MTHFD1: variants seen among roughly 807,000 people sequenced by gnomAD.
The protein encoded by MTHFD1 is C-1-tetrahydrofolate synthase, cytoplasmic.
A neutral mutation model predicts 110.3 loss-of-function variants in MTHFD1; 44 were observed. The observed-to-expected ratio is 0.40, with a 90% CI of 0.31 to 0.51. MTHFD1 has a LOEUF of 0.51. Ranked by LOEUF, MTHFD1 falls within the 20% of genes least tolerant of loss-of-function variation. MTHFD1 has a pLI of 0.60. For synonymous variants in MTHFD1, 402 were observed against 428.8 expected (o/e 0.94, Z 0.77); for missense variants, 909 against 1,173.1 (o/e 0.77, Z 3.29).
chr14:64,430,160 T>G (rs2078146292), intron 12 of MTHFD1, 24 bp from the exon 13 acceptor site: 1 of 1,612,442 alleles, frequency 6.2e-7, no homozygotes, highest in Admixed American at 1.7e-5. Flanking sequence ...TTAACTGAGC[T>G]TCCACCCTTG....
At chr14:64,420,598 C>T (rs1313204720) in intron 8 of MTHFD1, among the ~76,000 whole-genome samples, 1 of 152,148 alleles carries the variant, frequency 6.6e-6, no homozygotes, top group African/African-American at 2.4e-5. Flanking sequence ...CTGAGTGTTA[C>T]CTTCTCAGCT....
intron 6 of MTHFD1, among the ~76,000 whole-genome samples, chr14:64,416,246 AAAAT>A (rs1424508731): frequency 1.5e-3 from 230 of 148,946 alleles, no homozygotes; most frequent in African/African-American, 3.8e-3. Context: ...CTCTGTCTCT[AAAAT>A]AAACAAACAA....
intron 1 of MTHFD1, among the ~76,000 whole-genome samples, chr14:64,397,026 A>T (rs1249524808): frequency 1.6e-5 from 2 of 126,808 alleles, no homozygotes; most frequent in African/African-American, 6.1e-5. Flanking sequence ...AATGGCTTGA[A>T]CCCGGGAGGC....
At chr14:64,454,931 T>C in intron 26 of MTHFD1, 56 bp downstream of exon 26, 1 of 1,579,418 alleles carries the variant, frequency 6.3e-7, no homozygotes, top group Non-Finnish European at 8.7e-7. Flanking sequence ...GTCTGAAGTG[T>C]GTTGCCGAAA....
intron 23 of MTHFD1, 87 bp from the exon 24 acceptor site, chr14:64,449,358 A>G: frequency 6.7e-7 from 1 of 1,482,848 alleles, no homozygotes; most frequent in South Asian, 1.1e-5. Flanking sequence ...TCAGTGGGTA[A>G]TTCACATGAG....
intron 23 of MTHFD1, among the ~76,000 whole-genome samples, chr14:64,448,882 C>A (rs1261818413): frequency 6.6e-6 from 1 of 151,822 alleles, no homozygotes; most frequent in Non-Finnish European, 1.5e-5. Flanking sequence ...TCGCTGCAAG[C>A]TCTGCCTCCC....
Position 64,431,882 on chromosome 14 carries a change from AT to A in MTHFD1, c.1494+27del, listed in dbSNP as rs773550324. On this transcript the variant is annotated intron_variant, in intron 15 of 27. Coordinates refer to ENST00000652337, the MANE Select transcript of MTHFD1 (RefSeq NM_005956.4). ...TAAAGGTAAGCTTTTTTTCTTCCACATTTTTTATATTGTATGGAATCTGGAA... is the reference window on the plus strand; with the variant it reads ...TAAAGGTAAGCTTTTTTTCTTCCACATTTTTATATTGTATGGAATCTGGAA... 10 of 1,598,352 alleles carry A rather than the reference AT, an allele frequency of 6.3e-6. No individual in the cohort carries two copies. The African/African-American group carries it at 6.7e-5, about 11-fold the overall frequency.
intron 26 of MTHFD1, 116 bp downstream of exon 26, chr14:64,454,991 G>T: frequency 9.4e-7 from 1 of 1,061,308 alleles, no homozygotes; most frequent in South Asian, 1.3e-5. Context: ...GAAGAAAATT[G>T]GAATCGGGCC....
At position 64,437,000 on chromosome 14, in the gene MTHFD1, G is replaced by A. The variant is rs530857678; in HGVS notation, c.1597+1329G>A. ...ACACATTACAGCAAGAGTGGGGGGTGTGTGTGTCTGATTGCTATATAAGAC... is the reference window on the plus strand; with the variant it reads ...ACACATTACAGCAAGAGTGGGGGGTATGTGTGTCTGATTGCTATATAAGAC... On this transcript the variant is annotated intron_variant, in intron 16 of 27. Coordinates refer to ENST00000652337, the MANE Select transcript of MTHFD1 (RefSeq NM_005956.4). 1.1e-4 allele frequency among the ~76,000 whole-genome samples: 16 copies of A among 149,290 alleles called. No homozygotes were observed. In the South Asian group the frequency reaches 2.9e-3, roughly 27 times the overall value.
intron 2 of MTHFD1, among the ~76,000 whole-genome samples, chr14:64,408,132 G>T (rs1406496075): frequency 6.6e-6 from 1 of 152,070 alleles, no homozygotes; most frequent in African/African-American, 2.4e-5. Context: ...GACACGGTAT[G>T]TGTCCCACAA....
intron 1 of MTHFD1, among the ~76,000 whole-genome samples, chr14:64,391,764 G>C (rs1328362426): frequency 6.6e-6 from 1 of 152,190 alleles, no homozygotes; most frequent in Admixed American, 6.5e-5. Flanking sequence ...CCGGGGGAAG[G>C]TCTGAGAGTT....
chr14:64,437,923 G>C (rs1385287460), intron 16 of MTHFD1, among the ~76,000 whole-genome samples: 2 of 152,084 alleles, frequency 1.3e-5, no homozygotes, highest in Admixed American at 6.5e-5. Flanking sequence ...GCCTAGGCTA[G>C]AGTGCAATGG....
chr14:64,459,668 A>T, intron 27 of MTHFD1, 91 bp from the exon 28 acceptor site: 2 of 1,111,210 alleles, frequency 1.8e-6, no homozygotes, highest in Non-Finnish European at 2.5e-6. Context: ...AGCTTTGGCA[A>T]TGTGAGTGGG....
chr14:64,406,111 G>A (rs909129847), intron 2 of MTHFD1, among the ~76,000 whole-genome samples: 5 of 150,636 alleles, frequency 3.3e-5, no homozygotes, highest in African/African-American at 7.3e-5. Context: ...CGATCTCGGC[G>A]CACTGCAACC....
intron 24 of MTHFD1, among the ~76,000 whole-genome samples, chr14:64,452,169 C>T (rs540429074): frequency 6.6e-6 from 1 of 152,228 alleles, no homozygotes; most frequent in East Asian, 1.9e-4. Context: ...GTGGCCCATG[C>T]CTGTGATCCC....
chr14:64,439,220 C>A, intron 17 of MTHFD1, 48 bp downstream of exon 17: 2 of 1,335,870 alleles, frequency 1.5e-6, no homozygotes, highest in Non-Finnish European at 2.2e-6. Flanking sequence ...GGCACTAGAT[C>A]TTGCTGCTTC....
intron 12 of MTHFD1, among the ~76,000 whole-genome samples, chr14:64,429,045 T>C (rs2078139129): frequency 6.6e-6 from 1 of 151,238 alleles, no homozygotes; most frequent in Non-Finnish European, 1.5e-5. Flanking sequence ...AATATATCTC[T>C]GGGCTGGGTG....
chr14:64,439,221 T>G (rs754376384), intron 17 of MTHFD1, 49 bp downstream of exon 17: 14 of 1,339,352 alleles, frequency 1.0e-5, no homozygotes, highest in Non-Finnish European at 1.3e-5. Flanking sequence ...GCACTAGATC[T>G]TGCTGCTTCT....
At position 64,427,541 on chromosome 14, in the gene MTHFD1, C is replaced by A. The variant is rs532006885; in HGVS notation, c.1264+68C>A. On this transcript the variant is annotated intron_variant, in intron 12 of 27. Coordinates refer to ENST00000652337, the MANE Select transcript of MTHFD1 (RefSeq NM_005956.4). The stretch of plus-strand genomic sequence containing the variant: ...TTCTCCTTCAGTCCTCCCAGGCCCA[C>A]GCAACCTATGATACTTATGGGGTCT... 2.5e-5 allele frequency: 38 copies of A among 1,502,030 alleles called. No homozygotes were observed. In the South Asian group the frequency reaches 3.9e-4, roughly 16 times the overall value. 93.0% of individuals were successfully genotyped at this position (1,502,030 alleles called of 1,614,324 possible).
Sources: allele counts gnomAD v4.1 joint callset (sites outside exome capture counted in the v4.1 genomes callset), GRCh38; gene constraint gnomAD v4.1.1; transcripts MANE v1.5; gene names NCBI Gene and HGNC (gene_info 2026-07-23, HGNC 2026-07-21).